The following CACNA2D3 variants were observed in gnomAD, a reference collection of about 807,000 sequenced individuals.
The protein encoded by CACNA2D3 is calcium voltage-gated channel auxiliary subunit alpha2delta 3.
A neutral mutation model predicts 160.6 loss-of-function variants in CACNA2D3; 60 were observed. The observed-to-expected ratio is 0.37, with a 90% CI of 0.30 to 0.46. CACNA2D3 has a LOEUF of 0.46. CACNA2D3 is among the 20% of genes least tolerant of loss of function. The pLI is 1.00. For missense variants in CACNA2D3, 1,205 were observed against 1,365.0 expected (o/e 0.88, Z 1.85); for synonymous variants, 558 against 492.9 (o/e 1.13, Z -1.75).
At chr3:55,036,301 G>C (rs1233026160) in intron 35 of CACNA2D3, among the ~76,000 whole-genome samples, 1 of 151,870 alleles carries the variant, frequency 6.6e-6, no homozygotes, top group African/African-American at 2.4e-5. Flanking sequence ...ACCAGAATTA[G>C]CCGGGCATGA....
At chr3:54,316,629 A>G (rs1349476257) in intron 2 of CACNA2D3, among the ~76,000 whole-genome samples, 1 of 152,210 alleles carries the variant, frequency 6.6e-6, no homozygotes, top group Non-Finnish European at 1.5e-5. Flanking sequence ...CAGATCTGGA[A>G]TCCACAGCTT....
chr3:54,983,695 C>G (rs1426490620), intron 29 of CACNA2D3, among the ~76,000 whole-genome samples: 1 of 152,206 alleles, frequency 6.6e-6, no homozygotes, highest in South Asian at 2.1e-4. Flanking sequence ...CAAAACCACC[C>G]CTGTGGATAG....
intron 2 of CACNA2D3, among the ~76,000 whole-genome samples, chr3:54,232,697 T>C (rs72976255): frequency 1.6e-3 from 240 of 152,310 alleles, no homozygotes; most frequent in African/African-American, 5.5e-3. Flanking sequence ...TTCCCTAATA[T>C]TGGATAGCCC....
At chr3:54,609,541 C>G (rs1022102558) in intron 9 of CACNA2D3, among the ~76,000 whole-genome samples, 11 of 152,088 alleles carry the variant, frequency 7.2e-5, no homozygotes, top group African/African-American at 2.7e-4. Flanking sequence ...TTTTTATTGG[C>G]AAAGCAGGTG....
At chr3:54,484,217 T>C (rs1700978771) in intron 4 of CACNA2D3, among the ~76,000 whole-genome samples, 1 of 152,232 alleles carries the variant, frequency 6.6e-6, no homozygotes, top group Admixed American at 6.5e-5. Context: ...ATAACATTTT[T>C]TTTCAGATTT....
intron 18 of CACNA2D3, among the ~76,000 whole-genome samples, chr3:54,875,956 G>C (rs546993877): frequency 1.3e-5 from 2 of 152,270 alleles, no homozygotes; most frequent in South Asian, 4.1e-4. Flanking sequence ...AAAAATCAAG[G>C]TATGCCACTG....
chr3:54,162,813 G>T (rs1053168955), intron 2 of CACNA2D3, among the ~76,000 whole-genome samples: 2 of 152,188 alleles, frequency 1.3e-5, no homozygotes, highest in African/African-American at 4.8e-5. Context: ...AGATACGTAA[G>T]ACAGATGGAA....
intron 13 of CACNA2D3, among the ~76,000 whole-genome samples, chr3:54,803,223 G>A (rs1182453839): frequency 2.0e-5 from 3 of 152,208 alleles, no homozygotes; most frequent in Non-Finnish European, 4.4e-5. Context: ...TGACTTTGAC[G>A]AGTTGAGGGA....
At chr3:54,445,983 C>G (rs2106805474) in intron 4 of CACNA2D3, among the ~76,000 whole-genome samples, 1 of 152,218 alleles carries the variant, frequency 6.6e-6, no homozygotes, top group Middle Eastern at 3.4e-3. Context: ...GGAGTGTGGA[C>G]TGAGTGGCCT....
intron 10 of CACNA2D3, among the ~76,000 whole-genome samples, chr3:54,635,083 T>TG (rs1699338745): frequency 6.6e-6 from 1 of 151,428 alleles, no homozygotes; most frequent in African/African-American, 2.4e-5. Context: ...GAACCTAGAG[T>TG]CGGAGAGATT....
At chr3:54,241,147 G>A (rs1273053446) in intron 2 of CACNA2D3, among the ~76,000 whole-genome samples, 1 of 152,088 alleles carries the variant, frequency 6.6e-6, no homozygotes, top group Non-Finnish European at 1.5e-5. Flanking sequence ...GCCCTCTTGG[G>A]GTCAGTCTAT....
intron 9 of CACNA2D3, among the ~76,000 whole-genome samples, chr3:54,627,551 C>T (rs1699150400): frequency 6.6e-6 from 1 of 152,204 alleles, no homozygotes; most frequent in Non-Finnish European, 1.5e-5. Flanking sequence ...AAATGCTTTT[C>T]ACCAGAGTTC....
intron 2 of CACNA2D3, among the ~76,000 whole-genome samples, chr3:54,179,861 C>G (rs182071040): frequency 6.6e-6 from 1 of 152,074 alleles, no homozygotes; most frequent in South Asian, 2.1e-4. Flanking sequence ...AGAACTGAGA[C>G]GTGTATGTCT....
intron 2 of CACNA2D3, among the ~76,000 whole-genome samples, chr3:54,169,407 A>G (rs919536927): frequency 1.3e-5 from 2 of 152,148 alleles, no homozygotes; most frequent in South Asian, 4.1e-4. Context: ...GTCCATGGAA[A>G]GGGATTGGGA....
intron 4 of CACNA2D3, among the ~76,000 whole-genome samples, chr3:54,489,094 T>C (rs1253852942): frequency 6.6e-6 from 1 of 151,484 alleles, no homozygotes; most frequent in Non-Finnish European, 1.5e-5. Flanking sequence ...AGTGGGGAGG[T>C]GGTGCTGGTG....
rs1293046084 is a variant in CACNA2D3 at position 55,073,435 on chromosome 3, G to A, written c.2988-10G>A. 1.2e-6 allele frequency: 2 copies of A among 1,607,864 alleles called. No homozygotes were observed. Among genetic ancestry groups the A allele is most frequent in the South Asian group, 2.2e-5 (2 of 90,970 alleles). ...GTAAATGACTGCCTCGCTACCTCTT[G>A]TTCCAACAGGTCCTTTGTCATCCAG... On this transcript the variant is annotated splice_polypyrimidine_tract_variant and intron_variant, in intron 35 of 37. Coordinates refer to ENST00000474759, the MANE Select transcript of CACNA2D3 (RefSeq NM_018398.3).
intron 4 of CACNA2D3, among the ~76,000 whole-genome samples, chr3:54,496,634 G>A (rs1350900235): frequency 1.3e-5 from 2 of 152,164 alleles, no homozygotes; most frequent in Non-Finnish European, 2.9e-5. Flanking sequence ...ATGACCAGAA[G>A]TTTTGAATTT....
intron 11 of CACNA2D3, among the ~76,000 whole-genome samples, chr3:54,715,521 G>A (rs764888468): frequency 6.6e-6 from 1 of 152,074 alleles, no homozygotes; most frequent in Non-Finnish European, 1.5e-5. Context: ...GGGGGGGCAG[G>A]GGGAGGTAGA....
intron 6 of CACNA2D3, among the ~76,000 whole-genome samples, chr3:54,565,210 G>C (rs933846198): frequency 6.6e-6 from 1 of 152,166 alleles, no homozygotes; most frequent in African/African-American, 2.4e-5. Context: ...GCTTTGCCTA[G>C]ACTGCATCCC....
Sources: gnomAD v4.1 joint callset for allele counts (sites outside exome capture counted in the v4.1 genomes callset) on GRCh38, gnomAD v4.1.1 for gene constraint, MANE v1.5 for transcripts, NCBI Gene and HGNC (gene_info 2026-07-23, HGNC 2026-07-21) for gene names.